DHRSX: variants seen among roughly 807,000 people sequenced by gnomAD.
DHRSX encodes the protein dehydrogenase/reductase X-linked.
DHRSX carries 31 observed loss-of-function variants against 34.0 expected under a neutral mutation model. The observed-to-expected ratio is 0.91, with a 90% CI of 0.69 to 1.23. The LOEUF is 1.23. DHRSX is among the 50% of genes most tolerant of loss of function. The probability of loss-of-function intolerance (pLI) is 0.00; values close to 1 mark genes in which losing one functional copy is unlikely to be tolerated. For missense variants in DHRSX, 414 were observed against 428.1 expected (o/e 0.97, Z 0.29); for synonymous variants, 201 against 183.8 (o/e 1.09, Z -0.76).
intron 1 of DHRSX, among the ~76,000 whole-genome samples, chrX:2,454,614 C>T (rs546525008): frequency 6.6e-6 from 1 of 151,954 alleles, no homozygotes; most frequent in South Asian, 2.1e-4. Flanking sequence ...CCCAAAAATT[C>T]CCAATTCTAT....
intron 3 of DHRSX, among the ~76,000 whole-genome samples, chrX:2,292,317 G>A (rs1478682690): frequency 5.3e-5 from 8 of 152,270 alleles, no homozygotes; most frequent in East Asian, 3.9e-4. Context: ...TGGATTCTGC[G>A]TATAACCATG....
chrX:2,500,743 CGCG>C, intron 1 of DHRSX, 71 bp downstream of exon 1: 8 of 710,752 alleles, frequency 1.1e-5, no homozygotes, highest in South Asian at 6.3e-5. Context: ...GCGGAGCCCC[CGCG>C]CCCCCGCCCC....
chrX:2,314,320 G>A (rs2042205380), intron 3 of DHRSX, among the ~76,000 whole-genome samples: 2 of 35,816 alleles, frequency 5.6e-5, no homozygotes, highest in Non-Finnish European at 6.3e-5. Context: ...GGGAGGCAGG[G>A]AGGGAAGGAG....
chrX:2,233,330 G>A (rs2015940985), intron 6 of DHRSX, among the ~76,000 whole-genome samples: 1 of 150,902 alleles, frequency 6.6e-6, no homozygotes, highest in African/African-American at 2.4e-5. Context: ...TGTAAATCAT[G>A]CTCCCTGTGG....
At chrX:2,439,921 G>T (rs908329279) in intron 1 of DHRSX, among the ~76,000 whole-genome samples, 13 of 152,094 alleles carry the variant, frequency 8.5e-5, no homozygotes, top group South Asian at 2.1e-4. Context: ...AAAAGGCTGG[G>T]GACCGGTACT....
chrX:2,455,488 T>TCCCAG (rs2044282984), intron 1 of DHRSX, among the ~76,000 whole-genome samples: 1 of 151,930 alleles, frequency 6.6e-6, no homozygotes, highest in African/African-American at 2.4e-5. Context: ...TGATTCCTAA[T>TCCCAG]CCCAGCACTT....
rs868058801 is a variant in DHRSX at position 2,245,971 on chromosome X, A to C, written c.597-2741T>G. ...AGTGAGACTCCATCTCAAAAAAAACAAAAAAACAAAAAAACACACAAACAA... is the reference window on the plus strand; with the variant it reads ...AGTGAGACTCCATCTCAAAAAAAACCAAAAAACAAAAAAACACACAAACAA... On this transcript the variant is annotated intron_variant, in intron 5 of 6. Coordinates refer to ENST00000334651, the MANE Select transcript of DHRSX (RefSeq NM_145177.3). 1.0e-4 allele frequency among the ~76,000 whole-genome samples: 14 copies of C among 134,956 alleles called. 1 individual carries two copies. Among genetic ancestry groups the C allele is most frequent in the Admixed American group, 2.9e-4 (4 of 13,828 alleles). 88.5% of individuals were successfully genotyped at this position (134,956 alleles called of 152,430 possible).
chrX:2,377,122 C>G (rs2043150074), intron 3 of DHRSX, among the ~76,000 whole-genome samples: 10 of 152,046 alleles, frequency 6.6e-5, no homozygotes, highest in Admixed American at 5.9e-4. Context: ...AGACTAGTTT[C>G]ATGGAACACA....
chrX:2,325,534 A>T (rs1159431068), intron 3 of DHRSX, among the ~76,000 whole-genome samples: 1 of 152,142 alleles, frequency 6.6e-6, no homozygotes, highest in Non-Finnish European at 1.5e-5. Flanking sequence ...AGCCCCGACC[A>T]ACTACAAAGC....
intron 1 of DHRSX, among the ~76,000 whole-genome samples, chrX:2,450,376 C>T (rs1426574675): frequency 6.6e-6 from 1 of 151,992 alleles, no homozygotes; most frequent in Non-Finnish European, 1.5e-5. Context: ...ACAGGAGAAT[C>T]GCTCGAACCC....
intron 1 of DHRSX, chrX:2,487,763 C>A (rs2044985106): frequency 6.6e-6 from 1 of 151,876 alleles, no homozygotes; most frequent in Admixed American, 6.6e-5. Context: ...TAAGTGTCTG[C>A]ATTTTTGTAC....
intron 3 of DHRSX, among the ~76,000 whole-genome samples, chrX:2,323,598 A>C (rs2042339420): frequency 6.6e-6 from 1 of 152,162 alleles, no homozygotes; most frequent in Admixed American, 6.6e-5. Flanking sequence ...TCCCATCTCT[A>C]CAAAATATTT....
chrX:2,285,960 G>A (rs1456083227), intron 4 of DHRSX, among the ~76,000 whole-genome samples: 1 of 152,104 alleles, frequency 6.6e-6, no homozygotes, highest in South Asian at 2.1e-4. Context: ...TGCACACAAC[G>A]AAGATGAATT....
At position 2,462,582 on chromosome X, in the gene DHRSX, C is replaced by A. The variant is rs186116723; in HGVS notation, c.110-37278G>T. On this transcript the variant is annotated intron_variant, in intron 1 of 6. Coordinates refer to ENST00000334651, the MANE Select transcript of DHRSX (RefSeq NM_145177.3). Reference sequence around the variant, plus strand: ...AGTATCGGACATGCTGGGTTGGACACAGGACTGAAGGGTAACTAGAAACAA... The same window carrying A: ...AGTATCGGACATGCTGGGTTGGACAAAGGACTGAAGGGTAACTAGAAACAA... 1.1e-4 allele frequency among the ~76,000 whole-genome samples: 17 copies of A among 151,948 alleles called. No homozygotes were observed. In the East Asian group the frequency reaches 3.1e-3, roughly 28 times the overall value.
intron 3 of DHRSX, among the ~76,000 whole-genome samples, chrX:2,291,880 A>G (rs2041869947): frequency 7.4e-6 from 1 of 134,906 alleles, no homozygotes. Context: ...GGCCCAGCTA[A>G]TTTTTGTATT....
chrX:2,292,510 C>T (rs1161678324), intron 3 of DHRSX, among the ~76,000 whole-genome samples: 3 of 151,866 alleles, frequency 2.0e-5, no homozygotes, highest in Non-Finnish European at 4.4e-5. Context: ...TTTTGTTACA[C>T]AGCATATGTA....
At chrX:2,315,519 C>T (rs1321616182) in intron 3 of DHRSX, among the ~76,000 whole-genome samples, 1 of 152,162 alleles carries the variant, frequency 6.6e-6, no homozygotes, top group Non-Finnish European at 1.5e-5. Context: ...GCAGCATTAA[C>T]AGCTTGAACC....
chrX:2,488,908 C>T (rs1204450473), intron 1 of DHRSX: 2 of 1,605,690 alleles, frequency 1.2e-6, no homozygotes, highest in South Asian at 1.1e-5. Flanking sequence ...ACTTCTGCAG[C>T]ACCTTGGGCA....
chrX:2,456,335 C>T (rs1459216755), intron 1 of DHRSX, among the ~76,000 whole-genome samples: 1 of 152,170 alleles, frequency 6.6e-6, no homozygotes, highest in East Asian at 1.9e-4. Flanking sequence ...AGGGTGCGGC[C>T]GGGCGCAGTG....
Sources: gnomAD v4.1 joint callset for allele counts (sites outside exome capture counted in the v4.1 genomes callset) on GRCh38, gnomAD v4.1.1 for gene constraint, MANE v1.5 for transcripts, NCBI Gene and HGNC (gene_info 2026-07-23, HGNC 2026-07-21) for gene names.